Variants in MYO5B observed in about 807,000 individuals in gnomAD.
MYO5B encodes unconventional myosin-Vb.
Under a neutral mutation model 229.3 loss-of-function variants are expected in MYO5B, and 143 were observed. The observed-to-expected ratio is 0.62, with a 90% CI of 0.54 to 0.72. The LOEUF (loss-of-function observed/expected upper bound fraction) is 0.72. MYO5B is among the 30% of genes least tolerant of loss of function. The probability of loss-of-function intolerance (pLI) is 0.00; values close to 1 mark genes in which losing one functional copy is unlikely to be tolerated. For synonymous variants in MYO5B, 918 were observed against 885.2 expected (o/e 1.04, Z -0.66); for missense variants, 2,321 against 2,331.0 (o/e 1.00, Z 0.09).
chr18:50,106,819 T>C (rs2031770191), intron 1 of MYO5B, among the ~76,000 whole-genome samples: 1 of 152,206 alleles, frequency 6.6e-6, no homozygotes, highest in Non-Finnish European at 1.5e-5. Flanking sequence ...GTGTCTATTA[T>C]AACAGGAACT....
At chr18:49,978,060 C>G (rs1461425768) in intron 9 of MYO5B, among the ~76,000 whole-genome samples, 1 of 152,180 alleles carries the variant, frequency 6.6e-6, no homozygotes, top group Non-Finnish European at 1.5e-5. Context: ...CCAGCCTAGA[C>G]CACAAACCTG....
chr18:49,953,937 C>CTATA lies in MYO5B; in HGVS notation c.1668+372_1668+375dup, dbSNP rs10641448. Among the ~76,000 whole-genome samples, 76 of 135,936 alleles carry CTATA rather than the reference C, an allele frequency of 5.6e-4. 2 individuals are homozygous for CTATA. Among genetic ancestry groups the CTATA allele is most frequent in the South Asian group, 4.9e-4 (2 of 4,050 alleles). The allele number at this position is 135,936 out of a possible 152,430, so 89.2% of individuals were successfully genotyped here. ...GTGTGTGTGTGTGTGTGTGTGTAGA[C>CTATA]TATATATATACAGACATGTGTGTGT... On this transcript the variant is annotated intron_variant, in intron 13 of 39. Transcript: ENST00000285039.
At chr18:50,062,546 T>A (rs2030714723) in intron 1 of MYO5B, among the ~76,000 whole-genome samples, 1 of 152,216 alleles carries the variant, frequency 6.6e-6, no homozygotes, top group African/African-American at 2.4e-5. Flanking sequence ...ACACCTTACC[T>A]AACTGTGCTT....
At chr18:49,863,196 C>G (rs764551280) in intron 29 of MYO5B, 31 bp downstream of exon 29, 1 of 1,574,700 alleles carries the variant, frequency 6.4e-7, no homozygotes, top group South Asian at 1.1e-5. Context: ...TCCGCGGCCT[C>G]GTCCAGCACA....
intron 1 of MYO5B, among the ~76,000 whole-genome samples, chr18:50,120,555 C>T (rs2032041500): frequency 6.6e-6 from 1 of 152,306 alleles, no homozygotes; most frequent in South Asian, 2.1e-4. Context: ...CCGTCCTCAG[C>T]CCTCTTCCCC....
intron 9 of MYO5B, among the ~76,000 whole-genome samples, chr18:49,977,882 C>G (rs2025769244): frequency 6.6e-6 from 1 of 152,222 alleles, no homozygotes; most frequent in African/African-American, 2.4e-5. Flanking sequence ...AGCCCTGAGG[C>G]AGGTGGTTAT....
chr18:50,113,345 G>A (rs992248904), intron 1 of MYO5B, among the ~76,000 whole-genome samples: 3 of 152,182 alleles, frequency 2.0e-5, no homozygotes, highest in African/African-American at 7.2e-5. Context: ...AGTCACTGAT[G>A]CCTCCCTGTG....
At chr18:50,043,000 C>CAA (rs1420162634) in intron 2 of MYO5B, among the ~76,000 whole-genome samples, 1 of 152,026 alleles carries the variant, frequency 6.6e-6, no homozygotes, top group Non-Finnish European at 1.5e-5. Context: ...TAAACTAATA[C>CAA]AACCACTATG....
chr18:50,014,606 C>T (rs2026197697), intron 4 of MYO5B, among the ~76,000 whole-genome samples: 1 of 152,196 alleles, frequency 6.6e-6, no homozygotes, highest in Non-Finnish European at 1.5e-5. Context: ...AGCCCAGACT[C>T]TCCTTACAGA....
intron 1 of MYO5B, among the ~76,000 whole-genome samples, chr18:50,056,588 T>A (rs2030555960): frequency 6.6e-6 from 1 of 152,176 alleles, no homozygotes; most frequent in Admixed American, 6.5e-5. Context: ...GACCAAAAGC[T>A]CAACCAGAAC....
chr18:49,901,324 C>T (rs1034300135), intron 21 of MYO5B, among the ~76,000 whole-genome samples: 1 of 152,226 alleles, frequency 6.6e-6, no homozygotes, highest in Non-Finnish European at 1.5e-5. Context: ...TTTGTGCATG[C>T]ATACATGTGA....
intron 12 of MYO5B, among the ~76,000 whole-genome samples, chr18:49,955,603 T>C (rs1443760327): frequency 2.0e-5 from 3 of 152,240 alleles, no homozygotes; most frequent in Non-Finnish European, 4.4e-5. Flanking sequence ...ACCAATTTCT[T>C]AAATCCTTTG....
At chr18:49,928,973 G>C (rs111973056) in intron 17 of MYO5B, among the ~76,000 whole-genome samples, 16 of 152,088 alleles carry the variant, frequency 1.1e-4, no homozygotes, top group Non-Finnish European at 1.9e-4. Flanking sequence ...GGGGGAAAGG[G>C]GGGTGATGGT....
intron 4 of MYO5B, among the ~76,000 whole-genome samples, chr18:50,025,138 A>G (rs1391835710): frequency 6.6e-6 from 1 of 152,198 alleles, no homozygotes; most frequent in Non-Finnish European, 1.5e-5. Context: ...CAACTTGAAT[A>G]TTAAAAAACA....
At chr18:50,171,318 T>C (rs1568132221) in intron 1 of MYO5B, among the ~76,000 whole-genome samples, 1 of 127,974 alleles carries the variant, frequency 7.8e-6, no homozygotes, top group Non-Finnish European at 1.7e-5. Context: ...ATGTAATGGA[T>C]GGACACGATT....
intron 1 of MYO5B, among the ~76,000 whole-genome samples, chr18:50,164,541 T>C (rs897116127): frequency 6.6e-6 from 1 of 151,702 alleles, no homozygotes; most frequent in African/African-American, 2.4e-5. Context: ...TGACTCAATG[T>C]CTCCCTGGAA....
intron 17 of MYO5B, among the ~76,000 whole-genome samples, chr18:49,919,981 T>A (rs1024234868): frequency 2.6e-5 from 4 of 152,186 alleles, no homozygotes; most frequent in African/African-American, 9.7e-5. Flanking sequence ...TATTCAGCAA[T>A]ATAAAGGAAT....
At chr18:49,872,100 G>T in intron 27 of MYO5B, 67 bp downstream of exon 27, 1 of 1,471,834 alleles carries the variant, frequency 6.8e-7, no homozygotes, top group Non-Finnish European at 9.5e-7. Context: ...ATTTCCTGAT[G>T]CCCAGATTTG....
At chr18:50,064,761 A>T (rs1417555736) in intron 1 of MYO5B, among the ~76,000 whole-genome samples, 1 of 152,240 alleles carries the variant, frequency 6.6e-6, no homozygotes, top group Non-Finnish European at 1.5e-5. Flanking sequence ...TCATAGCCCT[A>T]TAAATATTTA....
Sources: gnomAD v4.1 joint callset for allele counts (sites outside exome capture counted in the v4.1 genomes callset) on GRCh38, gnomAD v4.1.1 for gene constraint, MANE v1.5 for transcripts, NCBI Gene and HGNC (gene_info 2026-07-23, HGNC 2026-07-21) for gene names.